The following AVEN variants were observed in gnomAD, a reference collection of about 807,000 sequenced individuals.
AVEN encodes apoptosis and caspase activation inhibitor.
In AVEN, 41 loss-of-function variants were observed where a neutral mutation model predicts 38.1. That is an observed-to-expected ratio of 1.08 (90% CI 0.84 to 1.40). The LOEUF (loss-of-function observed/expected upper bound fraction) is 1.40. Among genes scored for constraint, AVEN ranks in the 40% most tolerant of loss-of-function variants. AVEN has a pLI of 0.00. For missense variants in AVEN, 605 were observed against 438.8 expected (o/e 1.38, Z -3.38); for synonymous variants, 206 against 171.8 (o/e 1.20, Z -1.56).
intron 1 of AVEN, among the ~76,000 whole-genome samples, chr15:34,031,444 G>T (rs1445606927): frequency 1.3e-5 from 2 of 152,050 alleles, no homozygotes. Flanking sequence ...CAAAGTGCTG[G>T]GATTACGGGC....
intron 2 of AVEN, among the ~76,000 whole-genome samples, chr15:34,068,098 C>T (rs1364014187): frequency 6.6e-6 from 1 of 151,244 alleles, no homozygotes; most frequent in African/African-American, 2.4e-5. Flanking sequence ...CGTTTTGCCA[C>T]ATCTGTGCCT....
At chr15:33,872,769 C>T (rs1035488451) in intron 3 of AVEN, among the ~76,000 whole-genome samples, 1 of 152,100 alleles carries the variant, frequency 6.6e-6, no homozygotes, top group Non-Finnish European at 1.5e-5. Context: ...GTTTGTTCAC[C>T]CAGGGAAATT....
intron 1 of AVEN, among the ~76,000 whole-genome samples, chr15:34,023,153 C>G (rs1309657413): frequency 6.6e-6 from 1 of 152,152 alleles, no homozygotes; most frequent in Non-Finnish European, 1.5e-5. Flanking sequence ...TGCGCTCCAG[C>G]CTGGCAACAG....
intron 1 of AVEN, among the ~76,000 whole-genome samples, chr15:34,034,440 CTT>C (rs35115548): frequency 1.6e-3 from 144 of 88,502 alleles, no homozygotes; most frequent in Admixed American, 2.8e-3. Context: ...GACCCAGTTT[CTT>C]TTTTAAAAAA....
intron 2 of AVEN, among the ~76,000 whole-genome samples, chr15:34,001,003 GCTAGGTTGGA>G (rs1897115781): frequency 6.6e-6 from 1 of 151,138 alleles, no homozygotes; most frequent in African/African-American, 2.5e-5. Context: ...GGACAGGCCT[GCTAGGTTGGA>G]CTAGAATTTT....
chr15:33,948,111 T>A (rs1207625078), intron 2 of AVEN, among the ~76,000 whole-genome samples: 6 of 151,306 alleles, frequency 4.0e-5, no homozygotes, highest in Non-Finnish European at 7.4e-5. Flanking sequence ...CTTTTTTTTT[T>A]TTTTGAGATG....
intron 2 of AVEN, among the ~76,000 whole-genome samples, chr15:33,944,758 G>C (rs1031958330): frequency 6.6e-6 from 1 of 151,678 alleles, no homozygotes; most frequent in Non-Finnish European, 1.5e-5. Context: ...GCAGTGAGCC[G>C]AGATCGCGCT....
At chr15:33,962,216 T>G (rs954535057) in intron 2 of AVEN, among the ~76,000 whole-genome samples, 4 of 152,198 alleles carry the variant, frequency 2.6e-5, no homozygotes, top group African/African-American at 9.7e-5. Context: ...AAATAACATG[T>G]AACAGTGTAT....
chr15:33,953,158 C>T (rs887793600), intron 2 of AVEN, among the ~76,000 whole-genome samples: 3 of 152,152 alleles, frequency 2.0e-5, no homozygotes, highest in African/African-American at 7.2e-5. Flanking sequence ...AGTGGAAGAA[C>T]ATTCCATGCT....
Position 33,918,139 on chromosome 15 carries a change from A to C in AVEN, c.446-42144T>G, listed in dbSNP as rs1460708334. The stretch of plus-strand genomic sequence containing the variant: ...TCATAATGAAATATGCAACAAAGAC[A>C]AAAATAAGTTGTTTCATTCTAAGCT... On this transcript the variant is annotated intron_variant, in intron 2 of 5. Transcript: ENST00000306730. Among the ~76,000 whole-genome samples, 5 of 152,316 alleles carry C rather than the reference A, an allele frequency of 3.3e-5. No homozygotes were observed. In the East Asian group the frequency reaches 9.6e-4, roughly 29 times the overall value.
At chr15:33,971,507 C>T (rs1017718738) in intron 2 of AVEN, among the ~76,000 whole-genome samples, 4 of 151,880 alleles carry the variant, frequency 2.6e-5, no homozygotes, top group African/African-American at 7.2e-5. Flanking sequence ...ACATCCATTT[C>T]GTGTATGTTG....
At chr15:33,954,774 C>T (rs1183792142) in intron 2 of AVEN, among the ~76,000 whole-genome samples, 1 of 152,124 alleles carries the variant, frequency 6.6e-6, no homozygotes, top group African/African-American at 2.4e-5. Flanking sequence ...GTACGTTGTG[C>T]ACATGTACCC....
intron 2 of AVEN, chr15:33,883,641 ATAAT>A (rs976566515): frequency 5.3e-5 from 8 of 152,232 alleles, no homozygotes; most frequent in Non-Finnish European, 7.3e-5. Context: ...ATTAGTCAAA[ATAAT>A]TAATACCTAT....
At chr15:33,960,425 G>C (rs1895117281) in intron 2 of AVEN, among the ~76,000 whole-genome samples, 1 of 141,846 alleles carries the variant, frequency 7.0e-6, no homozygotes, top group Non-Finnish European at 1.5e-5. Context: ...TGTCTCGTGT[G>C]TGTGTGTGTT....
intron 2 of AVEN, among the ~76,000 whole-genome samples, chr15:33,908,041 T>C (rs1892773355): frequency 6.6e-6 from 1 of 152,252 alleles, no homozygotes; most frequent in Non-Finnish European, 1.5e-5. Context: ...AGGCTATTTT[T>C]CATTTACATT....
At chr15:34,069,179 T>G (rs1900582854) in intron 2 of AVEN, among the ~76,000 whole-genome samples, 1 of 151,846 alleles carries the variant, frequency 6.6e-6, no homozygotes, top group Non-Finnish European at 1.5e-5. Context: ...CCCAACACTT[T>G]GGGAGACTGA....
At chr15:33,937,188 A>G (rs1052741109) in intron 2 of AVEN, among the ~76,000 whole-genome samples, 1 of 151,236 alleles carries the variant, frequency 6.6e-6, no homozygotes, top group African/African-American at 2.4e-5. Context: ...AATCAGTGGG[A>G]AAAAGACAGC....
downstream of AVEN, chr15:33,865,265 C>A (rs775310034): frequency 7.6e-6 from 11 of 1,452,900 alleles, no homozygotes; most frequent in East Asian, 2.5e-4. Context: ...GGACAGTCAA[C>A]TTCCCATGAA....
rs1428505967 is a variant in AVEN, at chr15:33,933,546, G to C, written c.446-57551C>G. On this transcript the variant is annotated intron_variant, in intron 2 of 5. Coordinates refer to ENST00000306730, the MANE Select transcript of AVEN (RefSeq NM_020371.3). Reference sequence around the variant, plus strand: ...ACACAGAGAGAGAGAGAGAGAGAGAGAGAGAGAGAGAGAGAGAGAGAGAGA... The same window carrying C: ...ACACAGAGAGAGAGAGAGAGAGAGACAGAGAGAGAGAGAGAGAGAGAGAGA... Among the ~76,000 whole-genome samples, 1,189 of 135,120 alleles carry C rather than the reference G, an allele frequency of 8.8e-3. 20 individuals are homozygous for C. Among genetic ancestry groups the C allele is most frequent in the African/African-American group, 0.034 (1,104 of 32,258 alleles). 88.6% of individuals were successfully genotyped at this position (135,120 alleles called of 152,430 possible). A position where few individuals can be genotyped will look rare whatever the true frequency, so the allele number is the denominator to read the frequency against.
Sources: allele counts gnomAD v4.1 joint callset (sites outside exome capture counted in the v4.1 genomes callset), GRCh38; gene constraint gnomAD v4.1.1; transcripts MANE v1.5; gene names NCBI Gene and HGNC (gene_info 2026-07-23, HGNC 2026-07-21).